The following RAPGEF5 variants were observed in gnomAD, a reference collection of about 807,000 sequenced individuals.
The protein encoded by RAPGEF5 is M-Ras-regulated GEF.
In RAPGEF5, 65 loss-of-function variants were observed where a neutral mutation model predicts 125.2. The observed-to-expected ratio is 0.52, with a 90% CI of 0.43 to 0.64. The LOEUF (loss-of-function observed/expected upper bound fraction) is 0.64. RAPGEF5 is among the 30% of genes least tolerant of loss of function. The pLI is 0.00. For synonymous variants in RAPGEF5, 391 were observed against 385.9 expected, an observed-to-expected ratio of 1.01 and a Z score of -0.16; for missense variants, 958 against 1,048.1, an observed-to-expected ratio of 0.91 and a Z score of 1.19.
At chr7:22,279,884 C>T (rs569595152) in intron 6 of RAPGEF5, among the ~76,000 whole-genome samples, 4 of 152,224 alleles carry the variant, frequency 2.6e-5, no homozygotes, top group African/African-American at 9.6e-5. Context: ...GCAAATGGGG[C>T]ACATGGAGGC....
At chr7:22,316,009 C>A (rs1783581005) in intron 2 of RAPGEF5, among the ~76,000 whole-genome samples, 1 of 152,124 alleles carries the variant, frequency 6.6e-6, no homozygotes, top group Admixed American at 6.5e-5. Context: ...AAAGTCAATT[C>A]CAAGCATCCG....
intron 2 of RAPGEF5, 87 bp from the exon 3 acceptor site, chr7:22,315,563 ATATATT>A (rs1783571907): frequency 3.3e-6 from 2 of 606,908 alleles, no homozygotes; most frequent in Non-Finnish European, 4.2e-6. Context: ...ATATATATAT[ATATATT>A]TATATATATT....
At chr7:22,251,909 C>T (rs1273972804) in intron 7 of RAPGEF5, among the ~76,000 whole-genome samples, 3 of 151,274 alleles carry the variant, frequency 2.0e-5, no homozygotes, top group Non-Finnish European at 4.4e-5. Flanking sequence ...ATGTGGGTTT[C>T]AGATCTCTGG....
At chr7:22,196,787 G>A (rs186562908) in intron 9 of RAPGEF5, among the ~76,000 whole-genome samples, 1 of 152,316 alleles carries the variant, frequency 6.6e-6, no homozygotes, top group East Asian at 1.9e-4. Context: ...CTGATGTTTC[G>A]TACTAAGACA....
At chr7:22,220,198 C>T (rs370225733) in intron 8 of RAPGEF5, 7 of 564,986 alleles carry the variant, frequency 1.2e-5, no homozygotes, top group Admixed American at 6.2e-5. Flanking sequence ...GTTGAGTCTG[C>T]GTATCACCCT....
chr7:22,285,401 A>G (rs1782773916), intron 6 of RAPGEF5, among the ~76,000 whole-genome samples: 1 of 152,190 alleles, frequency 6.6e-6, no homozygotes, highest in Non-Finnish European at 1.5e-5. Flanking sequence ...ACAATCTCTT[A>G]AACAAGTCTC....
At chr7:22,127,769 T>G (rs1272963144) in intron 24 of RAPGEF5, among the ~76,000 whole-genome samples, 2 of 152,240 alleles carry the variant, frequency 1.3e-5, no homozygotes, top group Admixed American at 1.3e-4. Flanking sequence ...GAATTATTGC[T>G]GAAAGAATAT....
At chr7:22,231,005 G>T in intron 7 of RAPGEF5, 86 bp from the exon 8 acceptor site, 1 of 1,269,318 alleles carries the variant, frequency 7.9e-7, no homozygotes, top group Non-Finnish European at 1.1e-6. Context: ...AATTTAGCGG[G>T]AAAAAATGTT....
At chr7:22,306,506 A>G (rs1158135331) in intron 5 of RAPGEF5, among the ~76,000 whole-genome samples, 1 of 152,112 alleles carries the variant, frequency 6.6e-6, no homozygotes, top group Non-Finnish European at 1.5e-5. Context: ...ATTTTCTCCC[A>G]TTCTGTGGGT....
intron 12 of RAPGEF5, among the ~76,000 whole-genome samples, chr7:22,166,101 T>A (rs1166082627): frequency 6.8e-6 from 1 of 147,778 alleles, no homozygotes; most frequent in African/African-American, 2.5e-5. Flanking sequence ...ATATATCATA[T>A]ATATATTTTA....
At chr7:22,185,476 C>T (rs1190570807) in intron 11 of RAPGEF5, among the ~76,000 whole-genome samples, 1 of 152,164 alleles carries the variant, frequency 6.6e-6, no homozygotes, top group Non-Finnish European at 1.5e-5. Context: ...ATTTATAAAG[C>T]CTTCCAATGC....
At chr7:22,283,944 T>C (rs1336081295) in intron 6 of RAPGEF5, among the ~76,000 whole-genome samples, 1 of 152,160 alleles carries the variant, frequency 6.6e-6, no homozygotes, top group Non-Finnish European at 1.5e-5. Context: ...GTATGTATCA[T>C]CCTGCTTACC....
chr7:22,255,592 A>ACAAAAC (rs71550467), intron 7 of RAPGEF5, among the ~76,000 whole-genome samples: 2 of 151,856 alleles, frequency 1.3e-5, no homozygotes, highest in Non-Finnish European at 2.9e-5. Context: ...CTGTCTCAAA[A>ACAAAAC]CAAAACCAAA....
At position 22,356,810 on chromosome 7, in the gene RAPGEF5, G is replaced by T; in HGVS notation, c.231+20C>A. On this transcript the variant is annotated intron_variant, in intron 1 of 25. Transcript: ENST00000665637. The stretch of plus-strand genomic sequence containing the variant: ...CGTGCGCGCCGCCCGTGCCCACTCG[G>T]ACAGGGCCGGGCCACTCACCCGGCC... 1 of 1,154,026 alleles carries T rather than the reference G, an allele frequency of 8.7e-7. No individual in the cohort carries two copies. The highest frequency in any genetic ancestry group is 4.3e-5 in the South Asian group (1 of 23,274). 71.5% of individuals were successfully genotyped at this position (1,154,026 alleles called of 1,614,324 possible). A position where few individuals can be genotyped will look rare whatever the true frequency, so the allele number is the denominator to read the frequency against.
chr7:22,318,029 T>G lies in RAPGEF5; in HGVS notation c.240A>C (p.Ser80=), dbSNP rs776768572. ...CAAGGTACGGATTAGATATTCTTCTTGATAGAGTCTATTTTAAACAAAGAA... is the reference window on the plus strand; with the variant it reads ...CAAGGTACGGATTAGATATTCTTCTGGATAGAGTCTATTTTAAACAAAGAA... ...KRSAAGGRTL[S]RRISNPYLEH... is the part of the protein sequence containing the mutation. Residue 80 remains serine (S), a synonymous_variant, in exon 2 of 26, where the codon TCA becomes TCC. Transcript: ENST00000665637. 8 of 1,540,272 alleles carry G rather than the reference T, an allele frequency of 5.2e-6. No individual in the cohort carries two copies. Among genetic ancestry groups the G allele is most frequent in the Non-Finnish European group, 7.0e-6 (8 of 1,144,454 alleles).
At position 22,136,051 on chromosome 7, in the gene RAPGEF5, G is replaced by C. The variant is rs894937117; in HGVS notation, c.2403C>G (p.Pro801=). ...GAAAATCATTACCTTTAAGCAATAA[G>C]GGCATGAAAGGGATTTTTGGTGGCT... The part of the protein sequence containing the change: ...KMKPPKIPFM[P]LLLKDVTFIH... Residue 801 remains proline (P), a synonymous_variant, in exon 23 of 26, where the codon CCC becomes CCG. Transcript: ENST00000665637. 1 of 1,602,170 alleles carries C rather than the reference G, an allele frequency of 6.2e-7. No individual in the cohort carries two copies. The highest frequency in any genetic ancestry group is 1.7e-5 in the Admixed American group (1 of 59,658).
At chr7:22,124,882 G>A (rs1377258028) in intron 25 of RAPGEF5, among the ~76,000 whole-genome samples, 1 of 152,110 alleles carries the variant, frequency 6.6e-6, no homozygotes, top group Admixed American at 6.5e-5. Flanking sequence ...TCTGCTTTTT[G>A]TTCTACACCT....
chr7:22,346,600 T>A (rs1031456341), intron 1 of RAPGEF5, among the ~76,000 whole-genome samples: 2 of 152,126 alleles, frequency 1.3e-5, no homozygotes, highest in African/African-American at 4.8e-5. Context: ...TCACAAGTAT[T>A]TGCATGTACA....
intron 9 of RAPGEF5, among the ~76,000 whole-genome samples, chr7:22,209,385 C>A (rs1785461037): frequency 6.6e-6 from 1 of 152,152 alleles, no homozygotes; most frequent in African/African-American, 2.4e-5. Flanking sequence ...TAAATCAATA[C>A]CTACTTGGGC....
Sources: allele counts gnomAD v4.1 joint callset (sites outside exome capture counted in the v4.1 genomes callset), GRCh38; gene constraint gnomAD v4.1.1; transcripts MANE v1.5; gene names NCBI Gene and HGNC (gene_info 2026-07-23, HGNC 2026-07-21).